Variants in MYH3 observed in about 807,000 individuals in gnomAD.
The protein encoded by MYH3 is myosin-3.
MYH3 carries 130 observed loss-of-function variants against 238.0 expected under a neutral mutation model. That is an observed-to-expected ratio of 0.55 (90% CI 0.47 to 0.63). The LOEUF (loss-of-function observed/expected upper bound fraction) is 0.63, where lower values mean the gene tolerates loss of function less well. MYH3 is among the 30% of genes least tolerant of loss of function. The pLI, the probability that MYH3 is intolerant of heterozygous loss-of-function variation, is 0.00. For missense variants in MYH3, 1,853 were observed against 2,374.9 expected, an observed-to-expected ratio of 0.78 and a Z score of 4.57; for synonymous variants, 880 against 924.1, an observed-to-expected ratio of 0.95 and a Z score of 0.86.
At chr17:10,656,557 A>T (rs7224243) in intron 1 of MYH3, among the ~76,000 whole-genome samples, 95,166 of 149,008 alleles carry the variant, frequency 0.64, 32,341 homozygotes, top group Non-Finnish European at 0.77. Flanking sequence ...AAAAAAAAAA[A>T]AAAAGACTAA....
Position 10,640,137 on chromosome 17 carries a change from C to T in MYH3, c.2541G>A (p.Glu847=). Residue 847 remains glutamate (E), a synonymous_variant, in exon 22 of 41, where the codon GAG becomes GAA. Coordinates refer to ENST00000583535, the MANE Select transcript of MYH3 (RefSeq NM_002470.4). ...CTTCCTTCATGGTGGCCATCTCTTT[C>T]TCAGTCTCTGCACTCTTGAGGAGGG... ...IKPLLKSAET[E]KEMATMKEEF... 1 of 1,614,150 alleles carries T rather than the reference C, an allele frequency of 6.2e-7. No individual in the cohort carries two copies. The highest frequency in any genetic ancestry group is 8.5e-7 in the Non-Finnish European group (1 of 1,180,036).
At position 10,638,182 on chromosome 17, in the gene MYH3, T is replaced by C. The variant is rs2142395345; in HGVS notation, c.3590A>G (p.His1197Arg). The change falls in exon 27 of 41, where the codon CAT becomes CGT. Residue 1197 changes from histidine to arginine, a missense_variant. Transcript: ENST00000583535. ...CCCAAGCTCGGCCACACTATCCGCATGCTTCTTCCTCAGCGCGGCCACCAT... is the reference window on the plus strand; with the variant it reads ...CCCAAGCTCGGCCACACTATCCGCACGCTTCTTCCTCAGCGCGGCCACCAT... ...EAMVAALRKK[H>R]ADSVAELGEQ... 2 of 1,613,938 alleles carry C rather than the reference T, an allele frequency of 1.2e-6. No homozygotes were observed. Among genetic ancestry groups the C allele is most frequent in the Non-Finnish European group, 1.7e-6 (2 of 1,180,002 alleles).
Position 10,647,242 on chromosome 17 carries a change from C to G in MYH3, c.838G>C (p.Ala280Pro). 2 of 1,614,156 alleles carry G rather than the reference C, an allele frequency of 1.2e-6. No homozygotes were observed. Among genetic ancestry groups the G allele is most frequent in the Non-Finnish European group, 1.7e-6 (2 of 1,180,034 alleles). Residue 280 changes from alanine (A) to proline (P), a missense_variant, in exon 10 of 41, where the codon GCT becomes CCT. Coordinates refer to ENST00000583535, the MANE Select transcript of MYH3 (RefSeq NM_002470.4). ...TAGAAGATGTGGTAGCTTCTTTCAG[C>G]CTTCAGCTGGAAAGTGACTCTTGAT... ...EKSRVTFQLK[A>P]ERSYHIFYQI...
chr17:10,671,771 G>C, the MYH3 span, among the ~76,000 whole-genome samples: 1 of 151,868 alleles, frequency 6.6e-6, no homozygotes, highest in East Asian at 1.9e-4. Context: ...AGTAGAGACA[G>C]GGTTTCACTG....
intron 31 of MYH3, 109 bp downstream of exon 31, chr17:10,634,731 A>T: frequency 7.3e-7 from 1 of 1,368,816 alleles, no homozygotes; most frequent in Non-Finnish European, 1.0e-6. Flanking sequence ...GCCCAAGGCC[A>T]CACTGCTGGT....
chr17:10,669,754 CA>C, the MYH3 span, among the ~76,000 whole-genome samples: 1 of 151,688 alleles, frequency 6.6e-6, no homozygotes, highest in Non-Finnish European at 1.5e-5. Flanking sequence ...AAATAAAAAA[CA>C]AAAAAATCAG....
chr17:10,635,792 C>G lies in MYH3; in HGVS notation c.3918G>C (p.Lys1306Asn). 1 of 1,614,190 alleles carries G rather than the reference C, an allele frequency of 6.2e-7. No individual in the cohort carries two copies. Among genetic ancestry groups the G allele is most frequent in the Non-Finnish European group, 8.5e-7 (1 of 1,180,028 alleles). Residue 1306 changes from lysine to asparagine, a missense_variant, in exon 29 of 41, where the codon AAG becomes AAC. Transcript: ENST00000583535. ...ESIVSQLSRS[K>N]QAFTQQTEEL... ...CTTCTGTTTGCTGGGTAAAGGCTTG[C>G]TTGCTCCTGGAAAGTTGGGATACTA...
chr17:10,639,613 G>A lies in MYH3; in HGVS notation c.2872C>T (p.Leu958Phe), dbSNP rs1486032450. Residue 958 changes from leucine (L) to phenylalanine (F), a missense_variant, in exon 23 of 41, where the codon CTT (leucine) becomes TTT (phenylalanine). Around this residue, in one of 3 missense-constraint regions of MYH3, gnomAD observed 678 missense variants for 1,058.9 expected, o/e 0.64. Transcript: ENST00000583535. ...TCAACCTTGGCCAGGGTCAACTCAAGGTCATCAATGTCTTTCTTGAGCTCT... is the reference window on the plus strand; with the variant it reads ...TCAACCTTGGCCAGGGTCAACTCAAAGTCATCAATGTCTTTCTTGAGCTCT... Reference protein sequence around the residue: ...CSELKKDIDDLELTLAKVEKE... With the variant: ...CSELKKDIDDFELTLAKVEKE... 2 of 1,613,958 alleles carry A rather than the reference G, an allele frequency of 1.2e-6. No homozygotes were observed. Among genetic ancestry groups the A allele is most frequent in the Non-Finnish European group, 1.7e-6 (2 of 1,180,036 alleles).
Position 10,635,357 on chromosome 17 carries a change from A to G in MYH3, c.4172+10T>C. The G allele has an allele frequency of 6.2e-7, 1 of 1,614,030 alleles. No individual in the cohort carries two copies. The highest frequency in any genetic ancestry group is 1.1e-5 in the South Asian group (1 of 91,078). On this transcript the variant is annotated intron_variant, in intron 30 of 40. Transcript: ENST00000583535. ...AAGTAGTTCTTCTAAAAGCAAACAGAGCTGCGCACTTGGCCTCCTCCAGCT... is the reference window on the plus strand; with the variant it reads ...AAGTAGTTCTTCTAAAAGCAAACAGGGCTGCGCACTTGGCCTCCTCCAGCT...
intron 32 of MYH3, 42 bp from the exon 33 acceptor site, chr17:10,633,757 G>C: frequency 1.9e-6 from 3 of 1,612,106 alleles, no homozygotes; most frequent in South Asian, 1.1e-5. Context: ...GCGCCTCTGC[G>C]TGGGTTTCCA....
At chr17:10,663,555 G>A in the MYH3 span, among the ~76,000 whole-genome samples, 1 of 152,096 alleles carries the variant, frequency 6.6e-6, no homozygotes, top group African/African-American at 2.4e-5. Flanking sequence ...CTTCTGGAAA[G>A]CTGTGGTACA....
rs1251102607 is a variant in MYH3, at chr17:10,652,041, G to A, written c.349-373C>T. The A allele has an allele frequency of 1.6e-4, 60 of 386,618 alleles. No individual in the cohort carries two copies. The East Asian group carries it at 3.1e-3, about 20-fold the overall frequency. The allele number at this position is 386,618 out of a possible 1,614,324, so 23.9% of individuals were successfully genotyped here. The stretch of plus-strand genomic sequence containing the variant: ...CGGGCGTGAGCCACCACACCCAGCT[G>A]CCTTTATTATTATCTCATGTTTCTT... On this transcript the variant is annotated intron_variant, in intron 4 of 40. Coordinates refer to ENST00000583535, the MANE Select transcript of MYH3 (RefSeq NM_002470.4).
chr17:10,628,937 G>A (rs2074122339), intron 40 of MYH3, among the ~76,000 whole-genome samples: 2 of 152,216 alleles, frequency 1.3e-5, no homozygotes, highest in Admixed American at 1.3e-4. Flanking sequence ...GGGCTCTGGA[G>A]GGGGCTCCTG....
chr17:10,638,149 A>G lies in MYH3; in HGVS notation c.3623T>C (p.Ile1208Thr), dbSNP rs1217842356. Residue 1208 changes from isoleucine to threonine, a missense_variant, in exon 27 of 41, where the codon ATT becomes ACT. Physicochemically the swap from Ile to Thr is moderately conservative, Grantham distance 89. This residue lies in a region of MYH3 where 1,044 missense variants were observed against 1,192.6 expected (regional missense o/e 0.88). Transcript: ENST00000583535. Reference sequence around the variant, plus strand: ...CTGCTTGACCCGCTGCAGGTTGTCAATCTGCTCCCCAAGCTCGGCCACACT... The same window carrying G: ...CTGCTTGACCCGCTGCAGGTTGTCAGTCTGCTCCCCAAGCTCGGCCACACT... ...ADSVAELGEQ[I>T]DNLQRVKQKL... is the part of the protein sequence containing the mutation. 7 of 1,613,550 alleles carry G rather than the reference A, an allele frequency of 4.3e-6. No homozygotes were observed. The highest frequency in any genetic ancestry group is 3.3e-5 in the Admixed American group (2 of 59,924).
chr17:10,633,713 C>T lies in MYH3; in HGVS notation c.4525G>A (p.Glu1509Lys). ...VKRENKNLEQEIADLTEQIAE... is the reference protein window; with the variant it reads ...VKRENKNLEQKIADLTEQIAE... ...ATTTGTTCTGTGAGATCTGCTATCT[C>T]CTCTGTAAAGAAGTAAGTTTCAGTT... The change falls in exon 33 of 41, where the codon GAG (glutamate) becomes AAG (lysine). Residue 1509 changes from glutamate (E) to lysine (K), a missense_variant and splice_region_variant. Coordinates refer to ENST00000583535, the MANE Select transcript of MYH3 (RefSeq NM_002470.4). The T allele has an allele frequency of 1.9e-6, 3 of 1,613,998 alleles. No individual in the cohort carries two copies. The highest frequency in any genetic ancestry group is 2.5e-6 in the Non-Finnish European group (3 of 1,180,024).
chr17:10,655,160 TC>T, intron 2 of MYH3, 88 bp from the exon 3 acceptor site: 2 of 1,072,602 alleles, frequency 1.9e-6, no homozygotes, highest in Non-Finnish European at 1.4e-6. Flanking sequence ...CACCCTGCCC[TC>T]CTTCAGCCGC....
At chr17:10,651,707 ATGTG>A (rs748937478) in intron 4 of MYH3, 39 bp from the exon 5 acceptor site, 2 of 1,595,522 alleles carry the variant, frequency 1.3e-6, no homozygotes, top group Non-Finnish European at 1.7e-6. Context: ...ATATGTATGT[ATGTG>A]CATATGGAAA....
At position 10,655,013 on chromosome 17, in the gene MYH3, G is replaced by A. The variant is rs750940457; in HGVS notation, c.52C>T (p.Arg18Trp). The A allele has an allele frequency of 7.4e-6, 12 of 1,614,058 alleles. No homozygotes were observed. Among genetic ancestry groups the A allele is most frequent in the African/African-American group, 4.0e-5 (3 of 74,914 alleles). Reference sequence around the variant, plus strand: ...TCGATCCTCTCCTTTTCTGACTTCCGGAGGAAAGGAGCAGCTATGCCGAAC... The same window carrying A: ...TCGATCCTCTCCTTTTCTGACTTCCAGAGGAAAGGAGCAGCTATGCCGAAC... ...EVFGIAAPFLRKSEKERIEAQ... is the reference protein window; with the variant it reads ...EVFGIAAPFLWKSEKERIEAQ... The change falls in exon 3 of 41, where the codon CGG becomes TGG. Residue 18 changes from arginine (R) to tryptophan (W), a missense_variant. By Grantham distance (101) the Arg-to-Trp change is moderately radical. Transcript: ENST00000583535.
chr17:10,648,895 G>A (rs1001249479), intron 7 of MYH3, among the ~76,000 whole-genome samples: 3 of 151,974 alleles, frequency 2.0e-5, no homozygotes, highest in East Asian at 3.9e-4. Flanking sequence ...GGTTGGTCTC[G>A]AACTCCTAAC....
Sources: allele counts gnomAD v4.1 joint callset (sites outside exome capture counted in the v4.1 genomes callset), GRCh38; gene constraint gnomAD v4.1.1; regional missense constraint gnomAD v4.1.1; transcripts MANE v1.5; gene names NCBI Gene and HGNC (gene_info 2026-07-23, HGNC 2026-07-21).